UBE3A: variants seen among roughly 807,000 people sequenced by gnomAD.
UBE3A encodes the protein ubiquitin-protein ligase E3A.
In UBE3A, 6 loss-of-function variants were observed where a neutral mutation model predicts 83.4. That is an observed-to-expected ratio of 0.07 (90% CI 0.04 to 0.14). The LOEUF is 0.14. Ranked by LOEUF, UBE3A falls within the 10% of genes least tolerant of loss-of-function variation. The probability of loss-of-function intolerance (pLI) is 1.00; values close to 1 mark genes in which losing one functional copy is unlikely to be tolerated. For synonymous variants in UBE3A, 337 were observed against 355.4 expected, an observed-to-expected ratio of 0.95 and a Z score of 0.58; for missense variants, 456 against 1,036.1, an observed-to-expected ratio of 0.44 and a Z score of 7.69.
chr15:25,371,583 A>G lies in UBE3A; in HGVS notation c.591T>C (p.Ala197=). ...EDEKEKAACS[A]AAMEEDSEAS... ...CTTCTGAGTCTTCTTCCATAGCAGCAGCAGAACATGCAGCTTTTTCCTTTT... is the reference window on the plus strand; with the variant it reads ...CTTCTGAGTCTTCTTCCATAGCAGCGGCAGAACATGCAGCTTTTTCCTTTT... Residue 197 remains alanine (A), a synonymous_variant, in exon 6 of 13, where the codon GCT becomes GCC. Transcript: ENST00000648336. This position sits in a 1 kb window ranked among gnomAD's most constrained non-coding sequence, Gnocchi z 5.3. The G allele has an allele frequency of 6.2e-7, 1 of 1,614,178 alleles. No homozygotes were observed. Among genetic ancestry groups the G allele is most frequent in the Non-Finnish European group, 8.5e-7 (1 of 1,180,022 alleles).
chr15:25,364,642 TTTG>T (rs374949430), intron 6 of UBE3A, among the ~76,000 whole-genome samples: 15,780 of 115,656 alleles, frequency 0.14, 681 homozygotes, highest in Middle Eastern at 0.23. Flanking sequence ...GTTTTTTTTG[TTTG>T]TTTTTTTTTT....
At chr15:25,341,759 CA>C (rs760767983) in intron 11 of UBE3A, among the ~76,000 whole-genome samples, 1,913 of 28,128 alleles carry the variant, frequency 0.068, 23 homozygotes, top group African/African-American at 0.2. Flanking sequence ...TGAGCCATCT[CA>C]AAAAAAAAAA....
intron 4 of UBE3A, among the ~76,000 whole-genome samples, chr15:25,402,587 C>T (rs906138680): frequency 2.0e-5 from 3 of 152,048 alleles, no homozygotes; most frequent in African/African-American, 7.2e-5. Flanking sequence ...TGGGTATTGG[C>T]CTGAAGTTTG....
rs2074211717 is a variant in UBE3A, at chr15:25,338,669, A to G, written c.*468T>C. 1 of 152,202 alleles carries G rather than the reference A, an allele frequency of 6.6e-6. No individual in the cohort carries two copies. The highest frequency in any genetic ancestry group is 1.5e-5 in the Non-Finnish European group (1 of 68,054). The allele number at this position is 152,202 out of a possible 1,614,324, so 9.4% of individuals were successfully genotyped here. ...CCTGATTTGAGTTAGATACAGGGAC[A>G]AAAAAGTAGCACATACTTGAAGGTT... On this transcript the variant is annotated 3_prime_UTR_variant, in exon 13 of 13. Transcript: ENST00000648336.
At chr15:25,425,318 T>C (rs955463199) in intron 1 of UBE3A, among the ~76,000 whole-genome samples, 2 of 152,138 alleles carry the variant, frequency 1.3e-5, no homozygotes, top group African/African-American at 4.8e-5. Context: ...GAATGGGGAA[T>C]GGCTGCTAAC....
chr15:25,350,539 T>C (rs1305140742), intron 11 of UBE3A, among the ~76,000 whole-genome samples: 3 of 152,068 alleles, frequency 2.0e-5, no homozygotes, highest in East Asian at 3.9e-4. Flanking sequence ...ATATTAAAAA[T>C]GAGGAAAAGA....
chr15:25,366,584 T>C (rs965348791), intron 6 of UBE3A, among the ~76,000 whole-genome samples: 8 of 152,226 alleles, frequency 5.3e-5, no homozygotes, highest in African/African-American at 1.9e-4. Flanking sequence ...TTTTGGTTTT[T>C]AGATATTTAT....
chr15:25,340,060 C>A, intron 12 of UBE3A, 25 bp downstream of exon 12: 1 of 1,613,830 alleles, frequency 6.2e-7, no homozygotes, highest in Non-Finnish European at 8.5e-7. Flanking sequence ...GGTAGGTATA[C>A]AGTCACAAGT....
intron 3 of UBE3A, chr15:25,408,638 A>G: frequency 6.2e-7 from 1 of 1,613,906 alleles, no homozygotes; most frequent in Non-Finnish European, 8.5e-7. Context: ...ACACTGGTGC[A>G]GCTTCTCCAT....
intron 3 of UBE3A, among the ~76,000 whole-genome samples, chr15:25,406,449 C>T (rs2088565250): frequency 6.6e-6 from 1 of 152,068 alleles, no homozygotes; most frequent in Non-Finnish European, 1.5e-5. Context: ...ATTTTCATTT[C>T]ACGAGATATG....
intron 11 of UBE3A, among the ~76,000 whole-genome samples, chr15:25,341,977 T>C (rs1446597787): frequency 6.6e-6 from 1 of 152,078 alleles, no homozygotes; most frequent in Admixed American, 6.5e-5. Context: ...ATTCTTGGCT[T>C]TCTCCAATCT....
At chr15:25,399,699 G>A (rs1053319692) in intron 4 of UBE3A, among the ~76,000 whole-genome samples, 9 of 151,774 alleles carry the variant, frequency 5.9e-5, no homozygotes, top group African/African-American at 2.2e-4. Context: ...CTCTCGGGTA[G>A]CTAGGACTAC....
chr15:25,365,743 G>A (rs1376716549), intron 6 of UBE3A, among the ~76,000 whole-genome samples: 2 of 114,812 alleles, frequency 1.7e-5, no homozygotes, highest in Admixed American at 9.7e-5. Flanking sequence ...GCAAGACTCC[G>A]TCTAAAAAAA....
chr15:25,408,560 C>T, intron 3 of UBE3A: 1 of 1,607,950 alleles, frequency 6.2e-7, no homozygotes, highest in Non-Finnish European at 8.5e-7. Flanking sequence ...AATATGATCA[C>T]AAAACACCCA....
rs1381090013 is a variant in UBE3A, at chr15:25,370,181, G to A, written c.1608+385C>T. Among the ~76,000 whole-genome samples, 1 of 152,124 alleles carries A rather than the reference G, an allele frequency of 6.6e-6. No homozygotes were observed. Among genetic ancestry groups the A allele is most frequent in the Non-Finnish European group, 1.5e-5 (1 of 68,022 alleles). ...GACACTACCTATAATTTTATGGTAT[G>A]GTTTTACTGTACCATTACTCCCAGT... On this transcript the variant is annotated intron_variant, in intron 6 of 12. Coordinates refer to ENST00000648336, the MANE Select transcript of UBE3A (RefSeq NM_130839.5). The surrounding 1 kb of genome is among the most constrained non-coding windows in gnomAD (Gnocchi z 4.2).
At chr15:25,394,426 G>A (rs2085085659) in intron 4 of UBE3A, among the ~76,000 whole-genome samples, 1 of 152,140 alleles carries the variant, frequency 6.6e-6, no homozygotes, top group Non-Finnish European at 1.5e-5. Flanking sequence ...TATGATATGA[G>A]AACCTATAGG....
intron 11 of UBE3A, among the ~76,000 whole-genome samples, chr15:25,348,569 T>G (rs2076054437): frequency 6.6e-6 from 1 of 152,188 alleles, no homozygotes; most frequent in Non-Finnish European, 1.5e-5. Context: ...AGCTGTTTAC[T>G]AGAAAACCCT....
At chr15:25,343,434 G>C (rs2075191226) in intron 11 of UBE3A, among the ~76,000 whole-genome samples, 1 of 151,844 alleles carries the variant, frequency 6.6e-6, no homozygotes, top group African/African-American at 2.4e-5. Flanking sequence ...ATAAAAATAA[G>C]AATACTAAAA....
rs534515438 is a variant in UBE3A, at chr15:25,339,125, T to C, written c.*12A>G. ...CCTTCCTTTTTTTTGTTTTATTTTG[T>C]TTTGTTTTGTTTTACAGCATGCCAA... On this transcript the variant is annotated 3_prime_UTR_variant, in exon 13 of 13. Transcript: ENST00000648336. The C allele has an allele frequency of 3.2e-5, 49 of 1,527,646 alleles. No homozygotes were observed. Among genetic ancestry groups the C allele is most frequent in the Middle Eastern group, 2.1e-4 (1 of 4,820 alleles). 94.6% of individuals were successfully genotyped at this position (1,527,646 alleles called of 1,614,324 possible). A position where few individuals can be genotyped will look rare whatever the true frequency, so the allele number is the denominator to read the frequency against.
Sources: gnomAD v4.1 joint callset for allele counts (sites outside exome capture counted in the v4.1 genomes callset) on GRCh38, gnomAD v4.1.1 for gene constraint, Gnocchi (gnomAD v3.1) non-coding constraint, MANE v1.5 for transcripts, NCBI Gene and HGNC (gene_info 2026-07-23, HGNC 2026-07-21) for gene names.